The following IL17RD variants were observed in gnomAD, a reference collection of about 807,000 sequenced individuals.
IL17RD encodes the protein interleukin-17 receptor D.
Under a neutral mutation model 80.5 loss-of-function variants are expected in IL17RD, and 52 were observed. The observed-to-expected ratio is 0.65, with a 90% confidence interval of 0.52 to 0.81. The LOEUF is 0.81. Ranked by LOEUF, IL17RD falls within the 40% of genes least tolerant of loss-of-function variation. IL17RD has a pLI of 0.00. For synonymous variants in IL17RD, 416 were observed against 391.8 expected (o/e 1.06, Z -0.73); for missense variants, 1,024 against 955.1 (o/e 1.07, Z -0.95).
chr3:57,156,053 G>A (rs1361082077), intron 1 of IL17RD, among the ~76,000 whole-genome samples: 1 of 152,198 alleles, frequency 6.6e-6, no homozygotes, highest in Non-Finnish European at 1.5e-5. Flanking sequence ...CCTACTATGT[G>A]CCAGGCACTG....
At position 57,096,615 on chromosome 3, in the gene IL17RD, TA is replaced by T. The variant is rs56914717; in HGVS notation, c.2108-111del. The stretch of plus-strand genomic sequence containing the variant: ...CTGGGTTTGGACTATGGGCTCTGTA[TA>T]AACGAGGCAAGAATCCCAACCAACT... On this transcript the variant is annotated intron_variant, in intron 12 of 12. Coordinates refer to ENST00000296318, the MANE Select transcript of IL17RD (RefSeq NM_017563.5). 143,079 of 771,744 alleles carry T rather than the reference TA, an allele frequency of 0.19. 15,306 individuals carry two copies. Among genetic ancestry groups the T allele is most frequent in the East Asian group, 0.36 (14,614 of 40,310 alleles). The allele number at this position is 771,744 out of a possible 1,614,324, so 47.8% of individuals were successfully genotyped here. A position where few individuals can be genotyped will look rare whatever the true frequency, so the allele number is the denominator to read the frequency against.
intron 1 of IL17RD, among the ~76,000 whole-genome samples, chr3:57,143,260 G>A (rs373476592): frequency 5.3e-5 from 8 of 152,142 alleles, no homozygotes; most frequent in Non-Finnish European, 8.8e-5. Context: ...ATGGAGGCAG[G>A]GGCAGTATCC....
At position 57,097,886 on chromosome 3, in the gene IL17RD, T is replaced by C; in HGVS notation, c.1817A>G (p.Glu606Gly). ...TCCGGTTGCCCCAAGAACAGCCGCC[T>C]CTACCTTTAGGCAGAAGTCACTCTC... ...GPESDFCLKVEAAVLGATGPA... is the reference protein window; with the variant it reads ...GPESDFCLKVGAAVLGATGPA... The change falls in exon 12 of 13, where the codon GAG becomes GGG. Residue 606 changes from glutamate to glycine, a missense_variant. Glu to Gly is a moderately conservative substitution (Grantham distance 98). Transcript: ENST00000296318. 1 of 1,614,022 alleles carries C rather than the reference T, an allele frequency of 6.2e-7. No individual in the cohort carries two copies. Among genetic ancestry groups the C allele is most frequent in the Non-Finnish European group, 8.5e-7 (1 of 1,179,900 alleles).
At chr3:57,142,551 T>A in intron 1 of IL17RD, 1 of 1,268,484 alleles carries the variant, frequency 7.9e-7, no homozygotes, top group African/African-American at 1.5e-5. Context: ...CACTCCGGCC[T>A]CCTGGCAGGG....
chr3:57,105,552 A>AATAT lies in IL17RD; in HGVS notation c.747+301_747+304dup, dbSNP rs1553623051. Among the ~76,000 whole-genome samples, 332 of 63,248 alleles carry AATAT rather than the reference A, an allele frequency of 5.2e-3. 2 individuals are homozygous for AATAT. Among genetic ancestry groups the AATAT allele is most frequent in the Middle Eastern group, 0.012 (1 of 82 alleles). 41.5% of individuals were successfully genotyped at this position (63,248 alleles called of 152,430 possible). ...ACTCCATCTCAAAAAAAAAAAAAAA[A>AATAT]ATATATATATATATATATTTGTTCA... On this transcript the variant is annotated intron_variant, in intron 7 of 12. Transcript: ENST00000296318.
chr3:57,165,129 C>T (rs1172196517), intron 1 of IL17RD, 32 bp downstream of exon 1: 3 of 1,497,614 alleles, frequency 2.0e-6, no homozygotes, highest in Non-Finnish European at 2.7e-6. Flanking sequence ...CGCGAGTTGG[C>T]GACGGCAAGA....
At chr3:57,110,115 T>C (rs2107483222) in intron 4 of IL17RD, 78 bp downstream of exon 4, 1 of 1,516,284 alleles carries the variant, frequency 6.6e-7, no homozygotes, top group Admixed American at 2.0e-5. Flanking sequence ...CCTTCTCCAA[T>C]TTCAGACTTT....
chr3:57,136,148 A>C (rs1020736089), intron 1 of IL17RD, among the ~76,000 whole-genome samples: 16 of 152,216 alleles, frequency 1.1e-4, no homozygotes, highest in African/African-American at 3.9e-4. Flanking sequence ...CCAGCACAAC[A>C]ATCACATTAC....
intron 10 of IL17RD, 37 bp from the exon 11 acceptor site, chr3:57,101,400 G>A (rs746411211): frequency 7.4e-7 from 1 of 1,352,038 alleles, no homozygotes; most frequent in African/African-American, 1.5e-5. Context: ...ATACTTGCAA[G>A]CAACGCTTTG....
intron 1 of IL17RD, among the ~76,000 whole-genome samples, chr3:57,158,758 T>C (rs1330813274): frequency 1.3e-5 from 2 of 152,230 alleles, no homozygotes; most frequent in Non-Finnish European, 2.9e-5. Context: ...CAAATGGAGT[T>C]TTTGTTATGT....
In IL17RD at chr3:57,101,265, G is replaced by A. The variant is rs758622754; in HGVS notation, c.1078C>T (p.Leu360Phe). Residue 360 changes from leucine to phenylalanine, a missense_variant, in exon 11 of 13, where the codon CTC becomes TTC. Leu to Phe is a conservative substitution (Grantham distance 22). Coordinates refer to ENST00000296318, the MANE Select transcript of IL17RD (RefSeq NM_017563.5). ...ERLRPRPKVF[L>F]CYSSKDGQNH... ...TGGCCATCTTTACTGGAATAGCAGA[G>A]AAAGACCTTCGGCCGCGGCCGGAGC... 6.2e-7 allele frequency: 1 copy of A among 1,613,698 alleles called. No individual in the cohort carries two copies. The highest frequency in any genetic ancestry group is 1.3e-5 in the African/African-American group (1 of 75,042).
In IL17RD at chr3:57,093,862, G is replaced by A. The variant is rs1317378078; in HGVS notation, c.*2531C>T. 6.6e-6 allele frequency: 1 copy of A among 152,162 alleles called. No individual in the cohort carries two copies. Among genetic ancestry groups the A allele is most frequent in the Non-Finnish European group, 1.5e-5 (1 of 68,032 alleles). 9.4% of individuals were successfully genotyped at this position (152,162 alleles called of 1,614,324 possible). On this transcript the variant is annotated 3_prime_UTR_variant, in exon 13 of 13. Transcript: ENST00000296318. The stretch of plus-strand genomic sequence containing the variant: ...GCTAAGTCCTTTCTGTAGCTCATTG[G>A]TAAGTTAAGATGAACAACTAGCACT...
intron 11 of IL17RD, among the ~76,000 whole-genome samples, chr3:57,100,404 CAG>C (rs1706800768): frequency 6.6e-6 from 1 of 152,180 alleles, no homozygotes; most frequent in African/African-American, 2.4e-5. Flanking sequence ...TTTCAAGAAA[CAG>C]GGTATGTCTT....
chr3:57,098,372 G>T lies in IL17RD; in HGVS notation c.1331C>A (p.Ser444Ter). ...CACCAGGAAGAGCTCTCCTTTCCCC[G>T]AGCCTCGGCCACCTCCTTTGTGTTT... is the stretch of plus-strand genomic sequence containing the variant. Reference protein sequence around the residue: ...NYKHKGGGRGSGKGELFLVAV... With the variant: ...NYKHKGGGRG The change falls in exon 12 of 13, where the codon TCG (serine) becomes TAG (stop). Residue 444 changes from serine to a stop codon, truncating the protein, a stop_gained. Transcript: ENST00000296318. LOFTEE classifies it high-confidence loss of function. 2.5e-6 allele frequency: 4 copies of T among 1,614,002 alleles called. No homozygotes were observed. The highest frequency in any genetic ancestry group is 3.4e-6 in the Non-Finnish European group (4 of 1,179,898).
At chr3:57,104,556 T>A (rs1035397179) in intron 7 of IL17RD, 149 bp from the exon 8 acceptor site, 13 of 625,160 alleles carry the variant, frequency 2.1e-5, no homozygotes, top group Non-Finnish European at 3.4e-5. Flanking sequence ...CAACTGTGTT[T>A]ATCTGCCACA....
intron 1 of IL17RD, among the ~76,000 whole-genome samples, chr3:57,125,362 G>A (rs943434186): frequency 6.6e-6 from 1 of 151,938 alleles, no homozygotes; most frequent in Non-Finnish European, 1.5e-5. Flanking sequence ...AGCCAAGATC[G>A]CGCCATTTCA....
chr3:57,096,676 T>G (rs934629125), intron 12 of IL17RD, among the ~76,000 whole-genome samples, 171 bp from the exon 13 acceptor site: 10 of 152,160 alleles, frequency 6.6e-5, no homozygotes, highest in Non-Finnish European at 1.5e-4. Context: ...TAACAGGTTC[T>G]AGTTCCCTTA....
chr3:57,125,590 G>C (rs951470270), intron 1 of IL17RD, among the ~76,000 whole-genome samples: 7 of 152,160 alleles, frequency 4.6e-5, no homozygotes, highest in Non-Finnish European at 1.0e-4. Flanking sequence ...AAGTTACAAA[G>C]AGATAATGAG....
chr3:57,116,432 C>T (rs1436972935), intron 2 of IL17RD, among the ~76,000 whole-genome samples: 4 of 143,360 alleles, frequency 2.8e-5, no homozygotes, highest in Admixed American at 7.4e-5. Context: ...TACAGGCATG[C>T]GCCACCACAC....
Sources: allele counts gnomAD v4.1 joint callset (sites outside exome capture counted in the v4.1 genomes callset), GRCh38; gene constraint gnomAD v4.1.1; transcripts MANE v1.5; gene names NCBI Gene and HGNC (gene_info 2026-07-23, HGNC 2026-07-21).